The following CTNNA1 variants were observed in gnomAD, a reference collection of about 807,000 sequenced individuals.
CTNNA1 encodes the protein catenin alpha 1, also known as catenin alpha-1.
In CTNNA1, 37 loss-of-function variants were observed where a neutral mutation model predicts 98.4. The observed-to-expected ratio is 0.38, with a 90% CI of 0.29 to 0.49. CTNNA1 has a LOEUF of 0.49. CTNNA1 is among the 20% of genes least tolerant of loss of function. The probability of loss-of-function intolerance (pLI) is 0.95; values close to 1 mark genes in which losing one functional copy is unlikely to be tolerated. For synonymous variants in CTNNA1, 404 were observed against 413.2 expected (o/e 0.98, Z 0.27); for missense variants, 761 against 1,147.2 (o/e 0.66, Z 4.86).
chr5:138,840,762 G>A (rs1054942973), intron 7 of CTNNA1, among the ~76,000 whole-genome samples: 8 of 151,112 alleles, frequency 5.3e-5, no homozygotes, highest in African/African-American at 2.0e-4. Context: ...TGTCTTAGAG[G>A]ATTTAAGGTA....
At chr5:138,789,802 G>A (rs754794450) in intron 3 of CTNNA1, among the ~76,000 whole-genome samples, 3 of 152,194 alleles carry the variant, frequency 2.0e-5, no homozygotes, top group Non-Finnish European at 4.4e-5. Context: ...AGGGTGGCTT[G>A]GAATGCCATG....
intron 5 of CTNNA1, among the ~76,000 whole-genome samples, chr5:138,813,211 C>T (rs1033169817): frequency 3.9e-5 from 6 of 152,184 alleles, no homozygotes; most frequent in African/African-American, 1.4e-4. Flanking sequence ...TCATCACTAT[C>T]GTCTTCAGTG....
At chr5:138,901,955 G>C (rs1758135507) in intron 9 of CTNNA1, among the ~76,000 whole-genome samples, 1 of 152,194 alleles carries the variant, frequency 6.6e-6, no homozygotes, top group Non-Finnish European at 1.5e-5. Flanking sequence ...GGGGTGAATT[G>C]AAGCTCATTC....
At chr5:138,833,223 C>T (rs564398568) in intron 7 of CTNNA1, among the ~76,000 whole-genome samples, 5 of 152,318 alleles carry the variant, frequency 3.3e-5, no homozygotes, top group African/African-American at 9.6e-5. Flanking sequence ...CCAGAGCAGT[C>T]TTGCCCAGCA....
chr5:138,876,279 C>A (rs923822705), intron 7 of CTNNA1, among the ~76,000 whole-genome samples: 3 of 152,174 alleles, frequency 2.0e-5, no homozygotes, highest in Admixed American at 6.5e-5. Context: ...CACCCTAGTT[C>A]CCAGCCACCA....
intron 1 of CTNNA1, among the ~76,000 whole-genome samples, chr5:138,769,889 C>T (rs1294154205): frequency 1.3e-5 from 2 of 151,008 alleles, no homozygotes; most frequent in African/African-American, 4.9e-5. Context: ...TCTTGTCGTC[C>T]AGGCTGGAGT....
chr5:138,925,920 C>CT (rs1233676505), intron 13 of CTNNA1, among the ~76,000 whole-genome samples: 1 of 152,190 alleles, frequency 6.6e-6, no homozygotes, highest in Non-Finnish European at 1.5e-5. Context: ...TGGAGGGCCT[C>CT]TGTCGCAGGG....
chr5:138,917,256 A>G (rs913022077), intron 10 of CTNNA1, among the ~76,000 whole-genome samples: 4 of 152,258 alleles, frequency 2.6e-5, no homozygotes, highest in Middle Eastern at 3.2e-3. Context: ...AGATATTTGT[A>G]GTGATGGATA....
intron 4 of CTNNA1, among the ~76,000 whole-genome samples, chr5:138,810,482 T>A (rs1758568155): frequency 6.6e-6 from 1 of 152,222 alleles, no homozygotes; most frequent in Non-Finnish European, 1.5e-5. Context: ...TTAAATATTT[T>A]CCTTGTAGAG....
intron 3 of CTNNA1, among the ~76,000 whole-genome samples, chr5:138,796,560 G>A (rs1175092333): frequency 6.9e-6 from 1 of 145,060 alleles, no homozygotes; most frequent in East Asian, 2.0e-4. Context: ...AAAAAAAAAA[G>A]TAGTAGGTAT....
chr5:138,829,686 T>C (rs144863981), intron 7 of CTNNA1, among the ~76,000 whole-genome samples: 13 of 152,330 alleles, frequency 8.5e-5, no homozygotes, highest in African/African-American at 3.1e-4. Context: ...GAGACTGCAG[T>C]AGCATTCTTA....
chr5:138,781,830 C>T, intron 1 of CTNNA1, 93 bp from the exon 2 acceptor site: 2 of 1,196,834 alleles, frequency 1.7e-6, no homozygotes, highest in Non-Finnish European at 2.3e-6. Context: ...TATAGCTTTC[C>T]TGATGCAAAA....
chr5:138,872,070 G>C (rs996413013), intron 7 of CTNNA1: 1 of 70,430 alleles, frequency 1.4e-5, no homozygotes, highest in African/African-American at 6.9e-5. Context: ...GTGTGTGTGC[G>C]CTTTTAAATT....
chr5:138,872,224 A>G (rs983441359), intron 7 of CTNNA1: 5 of 152,654 alleles, frequency 3.3e-5, no homozygotes, highest in African/African-American at 1.2e-4. Context: ...GCTAGTTTAA[A>G]ACAGTTGTCT....
At chr5:138,929,703 T>C (rs1436002274) in intron 14 of CTNNA1, among the ~76,000 whole-genome samples, 2 of 152,284 alleles carry the variant, frequency 1.3e-5, no homozygotes, top group Non-Finnish European at 2.9e-5. Flanking sequence ...ACTATGGGTA[T>C]GAACTATTTA....
At chr5:138,834,216 A>G (rs780211440) in intron 7 of CTNNA1, among the ~76,000 whole-genome samples, 1 of 152,206 alleles carries the variant, frequency 6.6e-6, no homozygotes, top group African/African-American at 2.4e-5. Flanking sequence ...TGTTGTGGCT[A>G]CACTTTTCTT....
At chr5:138,813,266 C>T (rs1561551882) in intron 5 of CTNNA1, among the ~76,000 whole-genome samples, 1 of 152,212 alleles carries the variant, frequency 6.6e-6, no homozygotes. Context: ...ATGACATCTG[C>T]ACATAATATG....
chr5:138,761,273 C>T lies in CTNNA1; in HGVS notation c.-3+7763C>T, dbSNP rs147820383. On this transcript the variant is annotated intron_variant, in intron 1 of 17. Coordinates refer to ENST00000302763, the MANE Select transcript of CTNNA1 (RefSeq NM_001903.5). ...TTTTTGAGACAGAGTCTCACCCTGT[C>T]GCCCAGTCTGGAGTGCAGTGGCATG... 7.4e-4 allele frequency among the ~76,000 whole-genome samples: 112 copies of T among 152,232 alleles called. No homozygotes were observed. The East Asian group carries it at 0.019, about 26-fold the overall frequency.
At position 138,930,455 on chromosome 5, in the gene CTNNA1, TTG is replaced by T; in HGVS notation, c.2011-15_2011-14del. The T allele has an allele frequency of 2.5e-6, 4 of 1,591,654 alleles. No homozygotes were observed. Among genetic ancestry groups the T allele is most frequent in the Non-Finnish European group, 3.4e-6 (4 of 1,168,126 alleles). On this transcript the variant is annotated splice_polypyrimidine_tract_variant and intron_variant, in intron 14 of 17. Transcript: ENST00000302763. ...CATATTCTTTTTATGTAAGAGCTCT[TTG>T]TGCTTCTGATCACAGGCGATCATGG... is the stretch of plus-strand genomic sequence containing the variant.
Sources: gnomAD v4.1 joint callset for allele counts (sites outside exome capture counted in the v4.1 genomes callset) on GRCh38, gnomAD v4.1.1 for gene constraint, MANE v1.5 for transcripts, NCBI Gene and HGNC (gene_info 2026-07-23, HGNC 2026-07-21) for gene names.